The following NRG3 variants were observed in gnomAD, a reference collection of about 807,000 sequenced individuals.
NRG3 encodes the protein pro-neuregulin-3, membrane-bound isoform.
A neutral mutation model predicts 66.9 loss-of-function variants in NRG3; 31 were observed. The observed-to-expected ratio is 0.46, with a 90% CI of 0.35 to 0.63. NRG3 has a LOEUF of 0.63. Among genes scored for constraint, NRG3 ranks in the 20% least tolerant of loss-of-function variants. The probability of loss-of-function intolerance (pLI) is 0.00; values close to 1 mark genes in which losing one functional copy is unlikely to be tolerated. For missense variants in NRG3, 910 were observed against 878.9 expected (o/e 1.04, Z -0.45); for synonymous variants, 393 against 359.4 (o/e 1.09, Z -1.06).
chr10:82,248,296 G>A (rs1321805272), intron 1 of NRG3, among the ~76,000 whole-genome samples: 4 of 152,112 alleles, frequency 2.6e-5, no homozygotes, highest in African/African-American at 9.7e-5. Context: ...ACCTTTGTGA[G>A]AGCTTCTTGG....
intron 1 of NRG3, among the ~76,000 whole-genome samples, chr10:81,920,023 C>T (rs80341741): frequency 0.01 from 1,563 of 152,228 alleles, 29 homozygotes; most frequent in African/African-American, 0.031. Context: ...CTTTATAAGA[C>T]GTGCCTCAAG....
At chr10:82,208,655 A>G (rs1179574976) in intron 1 of NRG3, among the ~76,000 whole-genome samples, 8 of 150,502 alleles carry the variant, frequency 5.3e-5, no homozygotes, top group Admixed American at 2.7e-4. Context: ...TATGAGGGGA[A>G]AAAAAAAAAC....
chr10:82,439,519 A>G (rs1211569800), intron 2 of NRG3, among the ~76,000 whole-genome samples: 1 of 151,966 alleles, frequency 6.6e-6, no homozygotes, highest in Non-Finnish European at 1.5e-5. Flanking sequence ...TTAACTCTTT[A>G]GTAATTTCTA....
intron 2 of NRG3, among the ~76,000 whole-genome samples, chr10:82,482,426 A>G (rs1409425134): frequency 1.3e-5 from 2 of 152,142 alleles, no homozygotes; most frequent in African/African-American, 4.8e-5. Flanking sequence ...TCCAGTATTG[A>G]GCTGAAATCA....
chr10:82,385,130 G>T (rs556931451), intron 2 of NRG3, among the ~76,000 whole-genome samples: 2 of 152,046 alleles, frequency 1.3e-5, no homozygotes, highest in Admixed American at 6.6e-5. Context: ...CGAAATGTCT[G>T]TTCATGTCCT....
At chr10:82,594,755 C>A (rs1302142959) in intron 2 of NRG3, among the ~76,000 whole-genome samples, 1 of 151,880 alleles carries the variant, frequency 6.6e-6, no homozygotes. Context: ...TATACAATTT[C>A]TCTTCCCATG....
intron 1 of NRG3, among the ~76,000 whole-genome samples, chr10:82,249,141 C>T (rs1455958290): frequency 2.6e-5 from 4 of 152,112 alleles, no homozygotes; most frequent in African/African-American, 9.7e-5. Context: ...GGCCCCATAT[C>T]TCTGTATTTG....
At chr10:82,217,026 A>G (rs1182111524) in intron 1 of NRG3, among the ~76,000 whole-genome samples, 3 of 152,198 alleles carry the variant, frequency 2.0e-5, no homozygotes. Flanking sequence ...TGGAATTTAG[A>G]TAATTGTTTC....
chr10:82,345,910 A>AT (rs1432766327), intron 1 of NRG3, among the ~76,000 whole-genome samples: 1 of 152,022 alleles, frequency 6.6e-6, no homozygotes, highest in African/African-American at 2.4e-5. Flanking sequence ...TTGTACATTG[A>AT]TTTTGTATCC....
intron 1 of NRG3, among the ~76,000 whole-genome samples, chr10:82,245,978 GTT>G (rs372596396): frequency 7.7e-5 from 8 of 103,268 alleles, no homozygotes; most frequent in Non-Finnish European, 1.3e-4. Context: ...CAGTCTTCTG[GTT>G]TTTTTTTTTT....
chr10:82,671,236 C>T (rs1299385978), intron 2 of NRG3, among the ~76,000 whole-genome samples: 1 of 152,210 alleles, frequency 6.6e-6, no homozygotes, highest in African/African-American at 2.4e-5. Flanking sequence ...AGTTATGTCA[C>T]TCTCAGTAAG....
intron 2 of NRG3, among the ~76,000 whole-genome samples, chr10:82,443,672 C>T (rs1295018890): frequency 6.6e-6 from 1 of 152,154 alleles, no homozygotes; most frequent in Non-Finnish European, 1.5e-5. Flanking sequence ...ATTATTCCAA[C>T]AAAATGTGTC....
At position 82,261,132 on chromosome 10, in the gene NRG3, C is replaced by CCATAATCCT. The variant is rs1469366166; in HGVS notation, c.824-97598_824-97590dup. On this transcript the variant is annotated intron_variant, in intron 1 of 8. Transcript: ENST00000372141. Reference sequence around the variant, plus strand: ...AAAATCTCACCTTGAAATGCAAACCCCATAATCCTCATAATCCCCACATGT... The same window carrying CCATAATCCT: ...AAAATCTCACCTTGAAATGCAAACCCCATAATCCTCATAATCCTCATAATCCCCACATGT... 6.6e-5 allele frequency among the ~76,000 whole-genome samples: 10 copies of CCATAATCCT among 152,210 alleles called. No homozygotes were observed. The East Asian group carries it at 1.9e-3, about 29-fold the overall frequency.
At chr10:82,905,748 T>G (rs954817874) in intron 4 of NRG3, among the ~76,000 whole-genome samples, 2 of 152,164 alleles carry the variant, frequency 1.3e-5, no homozygotes, top group Admixed American at 6.6e-5. Flanking sequence ...GTTATCAAGT[T>G]GCTTCTTTTC....
chr10:82,953,599 G>A (rs776962862), intron 5 of NRG3, among the ~76,000 whole-genome samples: 3 of 151,948 alleles, frequency 2.0e-5, no homozygotes, highest in South Asian at 2.1e-4. Context: ...AAATTATATC[G>A]TGTCTCTTAG....
intron 2 of NRG3, among the ~76,000 whole-genome samples, chr10:82,375,253 T>A (rs2085142833): frequency 6.6e-6 from 1 of 152,060 alleles, no homozygotes; most frequent in Admixed American, 6.6e-5. Flanking sequence ...ATTACTGATT[T>A]TTAGCTGGGT....
At chr10:82,631,312 T>C (rs143729964) in intron 2 of NRG3, among the ~76,000 whole-genome samples, 16 of 152,280 alleles carry the variant, frequency 1.1e-4, no homozygotes, top group African/African-American at 3.9e-4. Context: ...TAGATGATCA[T>C]GACTTCTGCT....
intron 2 of NRG3, among the ~76,000 whole-genome samples, chr10:82,654,213 G>A (rs2051668184): frequency 6.6e-6 from 1 of 152,096 alleles, no homozygotes; most frequent in Non-Finnish European, 1.5e-5. Context: ...TGAATGAGAG[G>A]ATTTAAAACA....
intron 1 of NRG3, among the ~76,000 whole-genome samples, chr10:82,263,376 A>G (rs1460854578): frequency 6.6e-6 from 1 of 152,212 alleles, no homozygotes; most frequent in Non-Finnish European, 1.5e-5. Context: ...GGAGCATTTT[A>G]AAACCTTTTA....
Sources: gnomAD v4.1 joint callset for allele counts (sites outside exome capture counted in the v4.1 genomes callset) on GRCh38, gnomAD v4.1.1 for gene constraint, MANE v1.5 for transcripts, NCBI Gene and HGNC (gene_info 2026-07-23, HGNC 2026-07-21) for gene names.